The following DLGAP2 variants were observed in gnomAD, a reference collection of about 807,000 sequenced individuals.
The protein encoded by DLGAP2 is DLG associated protein 2.
In DLGAP2, 26 loss-of-function variants were observed where a neutral mutation model predicts 100.3. The ratio of observed to expected loss-of-function variants is 0.26; its 90% CI spans 0.19 to 0.36. The LOEUF (loss-of-function observed/expected upper bound fraction) is 0.36. DLGAP2 is among the 10% of genes least tolerant of loss of function. The pLI is 1.00. For missense variants in DLGAP2, 1,858 were observed against 1,453.2 expected (o/e 1.28, Z -4.53); for synonymous variants, 886 against 630.1 (o/e 1.41, Z -6.08).
At chr8:1,352,433 C>G (rs568124406) in intron 3 of DLGAP2, among the ~76,000 whole-genome samples, 2 of 152,288 alleles carry the variant, frequency 1.3e-5, no homozygotes, top group African/African-American at 2.4e-5. Context: ...CTGCCCTTCC[C>G]TCCCCTTCCT....
intron 1 of DLGAP2, among the ~76,000 whole-genome samples, chr8:874,355 T>C (rs1160255353): frequency 6.6e-6 from 1 of 152,182 alleles, no homozygotes; most frequent in African/African-American, 2.4e-5. Context: ...TAAATTTCCC[T>C]TGAACCCTGC....
chr8:1,360,189 G>A (rs1299790429), intron 3 of DLGAP2, among the ~76,000 whole-genome samples: 1 of 150,542 alleles, frequency 6.6e-6, no homozygotes, highest in Non-Finnish European at 1.5e-5. Flanking sequence ...GCTGCTTCCC[G>A]GGTGTGCTCA....
chr8:873,098 AATC>A (rs1023545723), intron 1 of DLGAP2, among the ~76,000 whole-genome samples: 6 of 152,170 alleles, frequency 3.9e-5, no homozygotes, highest in Admixed American at 3.3e-4. Context: ...ACATACTTTA[AATC>A]ATCTCTAGAT....
chr8:1,097,078 A>T (rs1478437300), intron 2 of DLGAP2, among the ~76,000 whole-genome samples: 2 of 134,276 alleles, frequency 1.5e-5, no homozygotes, highest in South Asian at 4.8e-4. Context: ...CCAGTGTGAG[A>T]CCCACCTCCC....
chr8:1,309,104 T>C (rs1488172674), intron 3 of DLGAP2, among the ~76,000 whole-genome samples: 1 of 151,958 alleles, frequency 6.6e-6, no homozygotes, highest in South Asian at 2.1e-4. Context: ...TGAGGGTCTG[T>C]GGAACATCAT....
intron 8 of DLGAP2, among the ~76,000 whole-genome samples, chr8:1,641,192 C>A (rs568458267): frequency 6.6e-6 from 1 of 152,170 alleles, no homozygotes; most frequent in South Asian, 2.1e-4. Flanking sequence ...ACATGACAGA[C>A]GAATCACGTG....
chr8:1,201,848 T>G (rs946941135), intron 2 of DLGAP2, among the ~76,000 whole-genome samples: 6 of 152,162 alleles, frequency 3.9e-5, no homozygotes, highest in African/African-American at 1.4e-4. Context: ...CACATGTGTG[T>G]ATGTGTACGG....
intron 3 of DLGAP2, among the ~76,000 whole-genome samples, chr8:1,340,559 A>T (rs1266968937): frequency 6.6e-6 from 1 of 152,256 alleles, no homozygotes; most frequent in East Asian, 1.9e-4. Flanking sequence ...AATGGCGGTT[A>T]TTAAAAAGTG....
chr8:949,259 A>G (rs938755153), intron 2 of DLGAP2, among the ~76,000 whole-genome samples: 1 of 152,156 alleles, frequency 6.6e-6, no homozygotes, highest in Non-Finnish European at 1.5e-5. Flanking sequence ...GTCGGCAGGA[A>G]AAGGAGGAAC....
chr8:1,177,937 C>T (rs938690344), intron 2 of DLGAP2, among the ~76,000 whole-genome samples: 1 of 152,234 alleles, frequency 6.6e-6, no homozygotes, highest in Non-Finnish European at 1.5e-5. Context: ...CTTCAGGAAG[C>T]ACCAGCTGAG....
chr8:1,558,038 T>C (rs1802025308), intron 5 of DLGAP2, among the ~76,000 whole-genome samples: 1 of 152,192 alleles, frequency 6.6e-6, no homozygotes, highest in Non-Finnish European at 1.5e-5. Flanking sequence ...CTGGAGAGAC[T>C]CAGCCATTGG....
intron 2 of DLGAP2, among the ~76,000 whole-genome samples, chr8:1,216,423 A>C (rs1260182990): frequency 6.6e-6 from 1 of 151,452 alleles, no homozygotes; most frequent in East Asian, 1.9e-4. Context: ...ATCTTGGCTC[A>C]CTCTAGCCTT....
At chr8:1,563,754 T>C (rs1802276876) in intron 5 of DLGAP2, among the ~76,000 whole-genome samples, 1 of 152,088 alleles carries the variant, frequency 6.6e-6, no homozygotes, top group East Asian at 1.9e-4. Flanking sequence ...TGGTGTGGCA[T>C]GGCATTTAGG....
At chr8:1,337,007 A>G (rs946854086) in intron 3 of DLGAP2, among the ~76,000 whole-genome samples, 41 of 152,332 alleles carry the variant, frequency 2.7e-4, no homozygotes, top group African/African-American at 5.1e-4. Context: ...AGCAGAGGCA[A>G]TGAGTCTCTA....
chr8:1,112,366 G>T (rs1021806253), intron 2 of DLGAP2, among the ~76,000 whole-genome samples: 3 of 148,878 alleles, frequency 2.0e-5, no homozygotes, highest in African/African-American at 7.4e-5. Context: ...TCAGCCTCCC[G>T]ATTAGCTGGG....
At chr8:1,109,972 T>C (rs1407394096) in intron 2 of DLGAP2, among the ~76,000 whole-genome samples, 2 of 101,634 alleles carry the variant, frequency 2.0e-5, no homozygotes, top group African/African-American at 4.3e-5. Context: ...CTGTGAGGTG[T>C]GTACGGGTCT....
chr8:1,161,961 A>C (rs1796900130), intron 2 of DLGAP2, among the ~76,000 whole-genome samples: 1 of 152,226 alleles, frequency 6.6e-6, no homozygotes. Flanking sequence ...GGTGCGTCAG[A>C]GTCACCTGAG....
intron 8 of DLGAP2, among the ~76,000 whole-genome samples, chr8:1,661,192 C>T (rs1367772943): frequency 6.6e-6 from 1 of 152,188 alleles, no homozygotes; most frequent in African/African-American, 2.4e-5. Context: ...GTTGGAGCCC[C>T]AGGAGAGCTC....
At chr8:1,294,945 T>C (rs556574101) in intron 3 of DLGAP2, among the ~76,000 whole-genome samples, 1 of 152,136 alleles carries the variant, frequency 6.6e-6, no homozygotes, top group South Asian at 2.1e-4. Flanking sequence ...GTATATTGGA[T>C]ATGATATAAA....
Sources: gnomAD v4.1 joint callset for allele counts (sites outside exome capture counted in the v4.1 genomes callset) on GRCh38, gnomAD v4.1.1 for gene constraint, MANE v1.5 for transcripts, NCBI Gene and HGNC (gene_info 2026-07-23, HGNC 2026-07-21) for gene names.